CAMKK1: variants seen among roughly 807,000 people sequenced by gnomAD.
The protein encoded by CAMKK1 is calcium/calmodulin dependent protein kinase kinase 1.
CAMKK1 carries 20 observed loss-of-function variants against 63.5 expected under a neutral mutation model. The observed-to-expected ratio is 0.32, with a 90% CI of 0.22 to 0.46. The LOEUF (loss-of-function observed/expected upper bound fraction) is 0.46. CAMKK1 is among the 20% of genes least tolerant of loss of function. The probability of loss-of-function intolerance (pLI) is 1.00; values close to 1 mark genes in which losing one functional copy is unlikely to be tolerated. For synonymous variants in CAMKK1, 253 were observed against 269.0 expected (o/e 0.94, Z 0.58); for missense variants, 588 against 658.1 (o/e 0.89, Z 1.17).
rs2055930532 is a variant in CAMKK1 at position 3,892,296 on chromosome 17, C to A, written c.-44+643G>T. Among the ~76,000 whole-genome samples the A allele has an allele frequency of 6.6e-6, 1 of 152,144 alleles. No individual in the cohort carries two copies. The highest frequency in any genetic ancestry group is 2.1e-4 in the South Asian group (1 of 4,828). On this transcript the variant is annotated intron_variant, in intron 1 of 15. Coordinates refer to ENST00000348335, the MANE Select transcript of CAMKK1 (RefSeq NM_032294.3). The surrounding 1 kb of genome is among the most constrained non-coding windows in gnomAD (Gnocchi z 7.5). ...CCTGCACCCCCCACGCAGACACAGG[C>A]ACACTCCCGCGTCCACGTGACACAC...
rs927953442 is a variant in CAMKK1, at chr17:3,892,427, G to A, written c.-44+512C>T. Among the ~76,000 whole-genome samples, 69 of 152,136 alleles carry A rather than the reference G, an allele frequency of 4.5e-4. 1 individual carries two copies. Among genetic ancestry groups the A allele is most frequent in the Non-Finnish European group, 1.6e-4 (11 of 68,010 alleles). On this transcript the variant is annotated intron_variant, in intron 1 of 15. Coordinates refer to ENST00000348335, the MANE Select transcript of CAMKK1 (RefSeq NM_032294.3). This position sits in a 1 kb window ranked among gnomAD's most constrained non-coding sequence, Gnocchi z 7.5. ...CCCCGAAGCCGCAGCGCCCGCCTCT[G>A]CCGCCCCCTCTCGCCCCAGCCAAGG...
In CAMKK1 at chr17:3,889,558, C is replaced by T. The variant is rs369480310; in HGVS notation, c.-44+3381G>A. 1.3e-5 allele frequency among the ~76,000 whole-genome samples: 2 copies of T among 151,954 alleles called. No individual in the cohort carries two copies. The highest frequency in any genetic ancestry group is 2.4e-5 in the African/African-American group (1 of 41,332). On this transcript the variant is annotated intron_variant, in intron 1 of 15. Transcript: ENST00000348335. The surrounding 1 kb of genome is among the most constrained non-coding windows in gnomAD (Gnocchi z 5.2). ...GCCACTGTCCTGCCAACTCCCAGGGCGATGGAAGGAACAGAATGAGGTGTG... is the reference window on the plus strand; with the variant it reads ...GCCACTGTCCTGCCAACTCCCAGGGTGATGGAAGGAACAGAATGAGGTGTG...
At chr17:3,868,779 A>G (rs575544444) in intron 14 of CAMKK1, among the ~76,000 whole-genome samples, 1 of 151,524 alleles carries the variant, frequency 6.6e-6, no homozygotes, top group Admixed American at 6.6e-5. Flanking sequence ...CGGCCTCCCC[A>G]GTAGCTGGGA....
rs776203289 is a variant in CAMKK1 at position 3,860,800 on chromosome 17, C to T, written c.*1411G>A. 2.6e-5 allele frequency: 4 copies of T among 152,218 alleles called. No homozygotes were observed. Among genetic ancestry groups the T allele is most frequent in the African/African-American group, 9.7e-5 (4 of 41,428 alleles). 9.4% of individuals were successfully genotyped at this position (152,218 alleles called of 1,614,324 possible). A position where few individuals can be genotyped will look rare whatever the true frequency, so the allele number is the denominator to read the frequency against. On this transcript the variant is annotated 3_prime_UTR_variant, in exon 16 of 16. Coordinates refer to ENST00000348335, the MANE Select transcript of CAMKK1 (RefSeq NM_032294.3). ...GTGAGCTGTGTGCAACAGATGAGCA[C>T]GCGACATGCACCCACAGGCGCGGAG... is the stretch of plus-strand genomic sequence containing the variant.
At chr17:3,886,343 G>T (rs2055650867) in intron 1 of CAMKK1, among the ~76,000 whole-genome samples, 1 of 152,194 alleles carries the variant, frequency 6.6e-6, no homozygotes. Flanking sequence ...GTCAAAACAA[G>T]GGGATGGGCC....
Position 3,890,382 on chromosome 17 carries a change from C to T in CAMKK1, c.-44+2557G>A, listed in dbSNP as rs967735260. ...CCAGCGCATCGTCCTGGCCCACCCA[C>T]GGAGGCTGATGGTCTCCAGGCCTCA... On this transcript the variant is annotated intron_variant, in intron 1 of 15. Transcript: ENST00000348335. This position sits in a 1 kb window ranked among gnomAD's most constrained non-coding sequence, Gnocchi z 6.5. Among the ~76,000 whole-genome samples, 11 of 152,276 alleles carry T rather than the reference C, an allele frequency of 7.2e-5. No individual in the cohort carries two copies. Among genetic ancestry groups the T allele is most frequent in the East Asian group, 3.9e-4 (2 of 5,176 alleles).
chr17:3,863,955 T>A (rs2143772800), intron 15 of CAMKK1, among the ~76,000 whole-genome samples: 1 of 151,854 alleles, frequency 6.6e-6, no homozygotes, highest in East Asian at 1.9e-4. Context: ...ATTACTTTTT[T>A]TTCTTTTTTT....
chr17:3,886,544 A>T (rs886083604), intron 1 of CAMKK1, among the ~76,000 whole-genome samples: 1 of 152,176 alleles, frequency 6.6e-6, no homozygotes, highest in Non-Finnish European at 1.5e-5. Flanking sequence ...AGGCAGGAGA[A>T]TCGTGTGAAC....
rs371063030 is a variant in CAMKK1, at chr17:3,882,996, A to C, written c.648+46T>G. ...CTCCCCAGCACCAGAAGCGGCTCCC[A>C]TGAGACTCAGGTGCTGGTTCCCACC... On this transcript the variant is annotated intron_variant, in intron 6 of 15. Coordinates refer to ENST00000348335, the MANE Select transcript of CAMKK1 (RefSeq NM_032294.3). The surrounding 1 kb of genome is among the most constrained non-coding windows in gnomAD (Gnocchi z 4.3). The C allele has an allele frequency of 6.2e-7, 1 of 1,606,044 alleles. No individual in the cohort carries two copies. The highest frequency in any genetic ancestry group is 1.3e-5 in the African/African-American group (1 of 74,904).
At position 3,871,760 on chromosome 17, in the gene CAMKK1, T is replaced by G. The variant is rs113367780; in HGVS notation, c.1124+794A>C. 1.0e-4 allele frequency among the ~76,000 whole-genome samples: 15 copies of G among 144,348 alleles called. 1 individual carries two copies. Among genetic ancestry groups the G allele is most frequent in the African/African-American group, 3.8e-4 (14 of 37,094 alleles). 94.7% of individuals were successfully genotyped at this position (144,348 alleles called of 152,430 possible). The stretch of plus-strand genomic sequence containing the variant: ...TCCTGGGTTCAAGCAATTCTCGTGC[T>G]TCAGCCTCCCGAGTAGCTGGGACTA... On this transcript the variant is annotated intron_variant, in intron 12 of 15. Transcript: ENST00000348335.
In CAMKK1 at chr17:3,861,048, C is replaced by G. The variant is rs894445672; in HGVS notation, c.*1163G>C. On this transcript the variant is annotated 3_prime_UTR_variant, in exon 16 of 16. Transcript: ENST00000348335. Reference sequence around the variant, plus strand: ...ACTGATCCCAGAGAGAAGGTGAAGGCTGCTCCGGAAGAGCTGTGTCTGCAC... The same window carrying G: ...ACTGATCCCAGAGAGAAGGTGAAGGGTGCTCCGGAAGAGCTGTGTCTGCAC... The G allele has an allele frequency of 1.3e-5, 2 of 152,338 alleles. No homozygotes were observed. The highest frequency in any genetic ancestry group is 2.9e-5 in the Non-Finnish European group (2 of 68,118). 9.4% of individuals were successfully genotyped at this position (152,338 alleles called of 1,614,324 possible).
intron 11 of CAMKK1, among the ~76,000 whole-genome samples, 173 bp downstream of exon 11, chr17:3,873,236 C>T (rs1233299823): frequency 3.9e-5 from 6 of 152,326 alleles, no homozygotes; most frequent in African/African-American, 9.6e-5. Context: ...TCGCGAGAAT[C>T]GCTCCGCAGG....
intron 10 of CAMKK1, among the ~76,000 whole-genome samples, chr17:3,874,019 T>G (rs2055027712): frequency 6.6e-6 from 1 of 152,210 alleles, no homozygotes; most frequent in Non-Finnish European, 1.5e-5. Context: ...TCTCTCTACC[T>G]TCTGCTCCGG....
In CAMKK1 at chr17:3,890,627, G is replaced by A. The variant is rs2055863648; in HGVS notation, c.-44+2312C>T. 2 of 779,426 alleles carry A rather than the reference G, an allele frequency of 2.6e-6. No individual in the cohort carries two copies. Among genetic ancestry groups the A allele is most frequent in the African/African-American group, 3.4e-5 (2 of 59,198 alleles). The allele number at this position is 779,426 out of a possible 1,614,324, so 48.3% of individuals were successfully genotyped here. ...TTTCCTGACCCAGGTCAGCAATCCG[G>A]GAGCCCTCCTTGTCACTCGTCCTTT... On this transcript the variant is annotated intron_variant, in intron 1 of 15. Transcript: ENST00000348335. The surrounding 1 kb of genome is among the most constrained non-coding windows in gnomAD (Gnocchi z 6.5).
At chr17:3,865,566 T>G in intron 15 of CAMKK1, 1 of 1,066,314 alleles carries the variant, frequency 9.4e-7, no homozygotes, top group Non-Finnish European at 1.1e-6. Context: ...GGCCACAGAT[T>G]TGAAGCCCCA....
chr17:3,871,941 C>T (rs990546421), intron 12 of CAMKK1, among the ~76,000 whole-genome samples: 2 of 152,222 alleles, frequency 1.3e-5, no homozygotes, highest in Admixed American at 6.5e-5. Flanking sequence ...CCACCGCACC[C>T]GGCCTCCATT....
At chr17:3,888,470 G>A (rs1229875269) in intron 1 of CAMKK1, among the ~76,000 whole-genome samples, 1 of 152,256 alleles carries the variant, frequency 6.6e-6, no homozygotes, top group African/African-American at 2.4e-5. Context: ...CCGTGAGCAG[G>A]TGGCTTCGCC....
chr17:3,865,303 T>G (rs2143779175), intron 15 of CAMKK1: 1 of 986,994 alleles, frequency 1.0e-6, no homozygotes, highest in South Asian at 4.7e-5. Flanking sequence ...CCTCGGCCAA[T>G]GCGGGTTCCT....
At chr17:3,885,271 T>G in intron 2 of CAMKK1, 57 bp downstream of exon 2, 1 of 1,488,776 alleles carries the variant, frequency 6.7e-7, no homozygotes, top group Admixed American at 2.3e-5. Flanking sequence ...CAGGAAAGAG[T>G]CTTCATTGCA....
Sources: allele counts gnomAD v4.1 joint callset (sites outside exome capture counted in the v4.1 genomes callset), GRCh38; gene constraint gnomAD v4.1.1; non-coding constraint Gnocchi (gnomAD v3.1); transcripts MANE v1.5; gene names NCBI Gene and HGNC (gene_info 2026-07-23, HGNC 2026-07-21).